The following TNFSF4 variants were observed in gnomAD, a reference collection of about 807,000 sequenced individuals.
TNFSF4 encodes TNF superfamily member 4, also known as tumor necrosis factor ligand superfamily member 4.
Under a neutral mutation model 7.3 loss-of-function variants are expected in TNFSF4, and 4 were observed. That is an observed-to-expected ratio of 0.55 (90% CI 0.27 to 1.25). TNFSF4 has a LOEUF of 1.25. Ranked by LOEUF, TNFSF4 falls within the 50% of genes most tolerant of loss-of-function variation. TNFSF4 has a pLI of 0.12. For missense variants in TNFSF4, 181 were observed against 208.8 expected (o/e 0.87, Z 0.82); for synonymous variants, 76 against 83.7 (o/e 0.91, Z 0.50).
At chr1:173,233,808 A>G in the TNFSF4 span, among the ~76,000 whole-genome samples, 21 of 152,336 alleles carry the variant, frequency 1.4e-4, no homozygotes, top group African/African-American at 4.8e-4. Flanking sequence ...AAGATGGATT[A>G]AAGACTTACA....
the TNFSF4 span, among the ~76,000 whole-genome samples, chr1:173,326,452 G>A: frequency 2.6e-5 from 4 of 152,098 alleles, no homozygotes; most frequent in Non-Finnish European, 4.4e-5. Context: ...TTTGAAAACT[G>A]GCACAAGACA....
At chr1:173,447,259 T>C in the TNFSF4 span, among the ~76,000 whole-genome samples, 3 of 152,300 alleles carry the variant, frequency 2.0e-5, no homozygotes, top group East Asian at 5.8e-4. Context: ...ATGCAGAATA[T>C]AGACAATTTT....
At chr1:173,200,749 T>C (rs184902487) in intron 1 of TNFSF4, among the ~76,000 whole-genome samples, 82 of 152,338 alleles carry the variant, frequency 5.4e-4, no homozygotes, top group Non-Finnish European at 9.3e-4. Flanking sequence ...AGCCCAGCCC[T>C]GAGGCTACAT....
the TNFSF4 span, among the ~76,000 whole-genome samples, chr1:173,246,178 T>C: frequency 1.3e-5 from 2 of 152,200 alleles, no homozygotes; most frequent in African/African-American, 2.4e-5. Flanking sequence ...CTTTAAGTTC[T>C]GGGATACATG....
chr1:173,235,081 G>A, the TNFSF4 span, among the ~76,000 whole-genome samples: 1 of 152,134 alleles, frequency 6.6e-6, no homozygotes, highest in Non-Finnish European at 1.5e-5. Context: ...TATTTTGAGT[G>A]TTTTTATTCA....
chr1:173,449,006 T>C, the TNFSF4 span, among the ~76,000 whole-genome samples: 1 of 152,208 alleles, frequency 6.6e-6, no homozygotes, highest in African/African-American at 2.4e-5. Context: ...TAATCCCCAA[T>C]GTTAGAAGTG....
chr1:173,286,309 C>G, the TNFSF4 span, among the ~76,000 whole-genome samples: 1 of 152,132 alleles, frequency 6.6e-6, no homozygotes, highest in East Asian at 1.9e-4. Context: ...CCAAGACAAT[C>G]TAACAGAAGA....
the TNFSF4 span, among the ~76,000 whole-genome samples, chr1:173,336,678 T>C: frequency 2.0e-5 from 3 of 152,166 alleles, no homozygotes; most frequent in South Asian, 6.2e-4. Flanking sequence ...ATTGATGACA[T>C]TATGCCAATT....
chr1:173,315,355 C>T, the TNFSF4 span, among the ~76,000 whole-genome samples: 27 of 152,060 alleles, frequency 1.8e-4, no homozygotes, highest in Non-Finnish European at 1.9e-4. Context: ...ATCAGACGTT[C>T]CATTTATTTC....
the TNFSF4 span, among the ~76,000 whole-genome samples, chr1:173,283,359 A>G: frequency 6.6e-6 from 1 of 152,070 alleles, no homozygotes; most frequent in Non-Finnish European, 1.5e-5. Flanking sequence ...AAAAGACAAG[A>G]TTTTCTTCAA....
chr1:173,327,935 A>C, the TNFSF4 span, among the ~76,000 whole-genome samples: 3 of 152,164 alleles, frequency 2.0e-5, no homozygotes, highest in Non-Finnish European at 4.4e-5. Context: ...CCATTGTGGA[A>C]GTCAGTGTGG....
chr1:173,315,089 A>C, the TNFSF4 span, among the ~76,000 whole-genome samples: 28 of 152,300 alleles, frequency 1.8e-4, no homozygotes, highest in African/African-American at 6.7e-4. Flanking sequence ...CAAGGTCATT[A>C]GAGATTAATA....
At chr1:173,283,290 T>C in the TNFSF4 span, among the ~76,000 whole-genome samples, 23 of 151,994 alleles carry the variant, frequency 1.5e-4, no homozygotes, top group Non-Finnish European at 3.4e-4. Flanking sequence ...ACCCCATCCT[T>C]TCCCCCCCCA....
chr1:173,361,265 G>A, the TNFSF4 span, among the ~76,000 whole-genome samples: 3 of 152,200 alleles, frequency 2.0e-5, no homozygotes, highest in Non-Finnish European at 4.4e-5. Flanking sequence ...TGCTCAGGAT[G>A]AGAGAGAAGC....
the TNFSF4 span, among the ~76,000 whole-genome samples, chr1:173,297,934 C>T: frequency 6.6e-6 from 1 of 151,830 alleles, no homozygotes; most frequent in Non-Finnish European, 1.5e-5. Flanking sequence ...AAACCAAAAC[C>T]AAGGCTGTAT....
the TNFSF4 span, among the ~76,000 whole-genome samples, chr1:173,306,711 T>C: frequency 6.2e-4 from 94 of 152,028 alleles, no homozygotes; most frequent in Non-Finnish European, 1.1e-3. Context: ...GGCCCAACCA[T>C]TACAGGGCTC....
chr1:173,303,063 T>C, the TNFSF4 span, among the ~76,000 whole-genome samples: 1 of 151,864 alleles, frequency 6.6e-6, no homozygotes, highest in African/African-American at 2.4e-5. Context: ...AGATTCATTT[T>C]ACAGAAAACA....
chr1:173,432,532 T>G, the TNFSF4 span, among the ~76,000 whole-genome samples: 1 of 152,182 alleles, frequency 6.6e-6, no homozygotes. Context: ...AAGGTTGCCT[T>G]ACTAGAAACC....
the TNFSF4 span, among the ~76,000 whole-genome samples, chr1:173,401,401 T>C: frequency 7.9e-5 from 12 of 152,296 alleles, no homozygotes; most frequent in Middle Eastern, 0.01. Flanking sequence ...CAAAGATTAT[T>C]TGTGAGTGTG....
Sources: allele counts gnomAD v4.1 joint callset (sites outside exome capture counted in the v4.1 genomes callset), GRCh38; gene constraint gnomAD v4.1.1; transcripts MANE v1.5; gene names NCBI Gene and HGNC (gene_info 2026-07-23, HGNC 2026-07-21).